The following PIGN variants were observed in gnomAD, a reference collection of about 807,000 sequenced individuals.
PIGN encodes phosphatidylinositol glycan anchor biosynthesis class N.
Under a neutral mutation model 125.4 loss-of-function variants are expected in PIGN, and 117 were observed. The ratio of observed to expected loss-of-function variants is 0.93; its 90% CI spans 0.80 to 1.09. The LOEUF (loss-of-function observed/expected upper bound fraction) is 1.09, where lower values mean the gene tolerates loss of function less well. PIGN is among the 50% of genes least tolerant of loss of function. The pLI, the probability that PIGN is intolerant of heterozygous loss-of-function variation, is 0.00. For synonymous variants in PIGN, 392 were observed against 377.8 expected, an observed-to-expected ratio of 1.04 and a Z score of -0.44; for missense variants, 1,075 against 1,094.9, an observed-to-expected ratio of 0.98 and a Z score of 0.26.
chr18:62,110,157 A>C, intron 16 of PIGN, 184 bp from the exon 17 acceptor site: 1 of 474,646 alleles, frequency 2.1e-6, no homozygotes, highest in Non-Finnish European at 3.7e-6. Flanking sequence ...CATATTAGAG[A>C]GGAAAAACCT....
intron 1 of PIGN, 59 bp downstream of exon 1, chr18:62,186,785 G>C (rs1329921875): frequency 6.6e-6 from 1 of 151,274 alleles, no homozygotes; most frequent in African/African-American, 2.4e-5. Flanking sequence ...GCGCGTCCGC[G>C]GGCGCGACAC....
At chr18:62,150,803 G>A (rs2036509121) in intron 7 of PIGN, among the ~76,000 whole-genome samples, 2 of 152,086 alleles carry the variant, frequency 1.3e-5, no homozygotes, top group Admixed American at 6.5e-5. Context: ...GGGTTCAAGC[G>A]ATTCTCCTGC....
rs141705484 is a variant in PIGN at position 62,100,055 on chromosome 18, C to T, written c.2077+1020G>A. Among the ~76,000 whole-genome samples the T allele has an allele frequency of 2.6e-4, 40 of 152,222 alleles. No individual in the cohort carries two copies. The East Asian group carries it at 7.1e-3, about 27-fold the overall frequency. On this transcript the variant is annotated intron_variant, in intron 22 of 30. Coordinates refer to ENST00000640252, the MANE Select transcript of PIGN (RefSeq NM_176787.5). ...CCTACAGAATGGGAGAAAATATTTG[C>T]AAACTACCCATCTGACAAGGAATTA...
intron 23 of PIGN, among the ~76,000 whole-genome samples, chr18:62,033,329 G>A (rs1268084438): frequency 6.6e-6 from 1 of 152,166 alleles, no homozygotes; most frequent in Non-Finnish European, 1.5e-5. Context: ...GGATTGAGAG[G>A]AAAGCATACC....
At chr18:62,021,116 C>T (rs1011076770) in intron 23 of PIGN, among the ~76,000 whole-genome samples, 6 of 152,080 alleles carry the variant, frequency 3.9e-5, no homozygotes, top group Non-Finnish European at 1.5e-5. Flanking sequence ...TAAACATACA[C>T]CTACTAAATG....
chr18:62,044,440 T>G lies in PIGN; in HGVS notation c.*1416A>C, dbSNP rs1483755799. 6.6e-6 allele frequency: 1 copy of G among 152,238 alleles called. No homozygotes were observed. Among genetic ancestry groups the G allele is most frequent in the Non-Finnish European group, 1.5e-5 (1 of 68,048 alleles). The allele number at this position is 152,238 out of a possible 1,614,324, so 9.4% of individuals were successfully genotyped here. A position where few individuals can be genotyped will look rare whatever the true frequency, so the allele number is the denominator to read the frequency against. ...CATCACTGTTTGCTACCATAGCTTC[T>G]TAGTTGTCCAGCTAGATTTTATGCT... On this transcript the variant is annotated 3_prime_UTR_variant, in exon 31 of 31. Transcript: ENST00000640252.
chr18:62,026,038 C>T (rs1016967605), intron 23 of PIGN, among the ~76,000 whole-genome samples: 8 of 152,172 alleles, frequency 5.3e-5, no homozygotes, highest in Admixed American at 1.3e-4. Flanking sequence ...TTATTGGTGT[C>T]CCTCCTGAGC....
intron 23 of PIGN, among the ~76,000 whole-genome samples, chr18:62,030,755 G>T (rs2030184379): frequency 6.6e-6 from 1 of 152,204 alleles, no homozygotes; most frequent in African/African-American, 2.4e-5. Context: ...AGGAAAAAAA[G>T]ATCATGATCT....
chr18:62,074,972 C>T (rs2033097223), intron 28 of PIGN, 151 bp from the exon 29 acceptor site: 2 of 558,310 alleles, frequency 3.6e-6, no homozygotes. Context: ...TTCATATTAT[C>T]ATGGGTGACC....
intron 30 of PIGN, among the ~76,000 whole-genome samples, chr18:62,049,054 A>C (rs1407109368): frequency 6.9e-3 from 1,024 of 149,442 alleles, no homozygotes; most frequent in African/African-American, 0.015. Flanking sequence ...ATGGCTGCAT[A>C]GTATTCCATG....
intron 17 of PIGN, 103 bp from the exon 18 acceptor site, chr18:62,107,188 A>G: frequency 1.4e-6 from 1 of 739,652 alleles, no homozygotes; most frequent in Non-Finnish European, 2.3e-6. Context: ...TTTTCCATTT[A>G]TAGATTATTC....
At chr18:62,152,573 C>T (rs927972963) in intron 7 of PIGN, among the ~76,000 whole-genome samples, 3 of 152,056 alleles carry the variant, frequency 2.0e-5, no homozygotes, top group Non-Finnish European at 4.4e-5. Flanking sequence ...CATTAGTCTA[C>T]AGTTGGGCAA....
At chr18:62,185,580 C>T (rs754772173) in intron 1 of PIGN, among the ~76,000 whole-genome samples, 7 of 53,266 alleles carry the variant, frequency 1.3e-4, no homozygotes, top group Admixed American at 4.7e-4. Context: ...ATGTAAGAAT[C>T]GTCTATTTTA....
At chr18:62,063,765 C>T (rs994568741) in intron 30 of PIGN, among the ~76,000 whole-genome samples, 15 of 151,060 alleles carry the variant, frequency 9.9e-5, no homozygotes, top group African/African-American at 3.6e-4. Flanking sequence ...AGGATGAGTT[C>T]GTGTACTTTG....
At chr18:62,185,609 C>T (rs1172335169) in intron 1 of PIGN, among the ~76,000 whole-genome samples, 7 of 33,768 alleles carry the variant, frequency 2.1e-4, no homozygotes, top group East Asian at 2.5e-3. Flanking sequence ...ATGGAGCTAA[C>T]GGGAGATACT....
At chr18:62,063,724 TAC>T (rs1278566260) in intron 30 of PIGN, among the ~76,000 whole-genome samples, 3 of 150,238 alleles carry the variant, frequency 2.0e-5, no homozygotes, top group Non-Finnish European at 4.4e-5. Flanking sequence ...GTGGCACATA[TAC>T]ACCATGGAAT....
At chr18:62,155,087 G>A (rs1396748678) in intron 6 of PIGN, among the ~76,000 whole-genome samples, 2 of 152,084 alleles carry the variant, frequency 1.3e-5, no homozygotes, top group Non-Finnish European at 2.9e-5. Context: ...AGAAAATTCA[G>A]ATATTTCACT....
chr18:62,150,732 ACT>A (rs1160655547), intron 7 of PIGN, among the ~76,000 whole-genome samples: 1 of 151,754 alleles, frequency 6.6e-6, no homozygotes, highest in Non-Finnish European at 1.5e-5. Context: ...ACGGAGTCTC[ACT>A]CTGTCGCCAG....
intron 14 of PIGN, among the ~76,000 whole-genome samples, chr18:62,126,006 G>T (rs1052036234): frequency 6.6e-6 from 1 of 151,872 alleles, no homozygotes; most frequent in African/African-American, 2.4e-5. Flanking sequence ...CCCATCAAGG[G>T]TTTTAGTAAC....
Sources: gnomAD v4.1 joint callset for allele counts (sites outside exome capture counted in the v4.1 genomes callset) on GRCh38, gnomAD v4.1.1 for gene constraint, MANE v1.5 for transcripts, NCBI Gene and HGNC (gene_info 2026-07-23, HGNC 2026-07-21) for gene names.